The following TUNAR variants were observed in gnomAD, a reference collection of about 807,000 sequenced individuals.
TUNAR encodes the protein transmembrane neural differentiation associated intracellular calcium regulator.
At chr14:95,891,392 CCT>C (rs1204582284) in intron 2 of TUNAR, among the ~76,000 whole-genome samples, 3 of 152,150 alleles carry the variant, frequency 2.0e-5, no homozygotes, top group South Asian at 4.1e-4. Context: ...TAATTTTCGC[CCT>C]CTCTCCACAA....
Position 95,895,174 on chromosome 14 carries a change from G to A in TUNAR, c.12+17997G>A, listed in dbSNP as rs1889242702. Among the ~76,000 whole-genome samples the A allele has an allele frequency of 6.6e-6, 1 of 152,244 alleles. No homozygotes were observed. The highest frequency in any genetic ancestry group is 2.4e-5 in the African/African-American group (1 of 41,468). ...GGTGTCCCAGAGAGGGGACATCTGA[G>A]CTGCATCTTAAAGGAAGAGTAGCAG... On this transcript the variant is annotated intron_variant, in intron 2 of 2. Coordinates refer to ENST00000678517, the Ensembl canonical transcript of TUNAR. The surrounding 1 kb of genome is among the most constrained non-coding windows in gnomAD (Gnocchi z 4.5).
At chr14:95,923,186 A>G in exon 3 of TUNAR, 1 of 373,864 alleles carries the variant, frequency 2.7e-6, no homozygotes, top group Non-Finnish European at 4.7e-6. Flanking sequence ...ACTCATTCAC[A>G]GCACTAGGAA....
chr14:95,903,622 A>G (rs1052562172), intron 2 of TUNAR, among the ~76,000 whole-genome samples: 8 of 152,252 alleles, frequency 5.3e-5, no homozygotes, highest in Non-Finnish European at 8.8e-5. Flanking sequence ...AGCCTCTTTC[A>G]GCCAGTGTTC....
At chr14:95,916,825 G>A (rs1486289856) in intron 2 of TUNAR, among the ~76,000 whole-genome samples, 2 of 152,174 alleles carry the variant, frequency 1.3e-5, no homozygotes, top group South Asian at 2.1e-4. Flanking sequence ...CCAATCTGAT[G>A]GCTGTTTGAT....
chr14:95,914,640 C>T (rs1889572657), intron 2 of TUNAR, among the ~76,000 whole-genome samples: 1 of 152,000 alleles, frequency 6.6e-6, no homozygotes, highest in Admixed American at 6.5e-5. Flanking sequence ...CTTGTGAAGT[C>T]ATGAGAATGA....
At chr14:95,897,909 C>T (rs181875576) in intron 2 of TUNAR, among the ~76,000 whole-genome samples, 292 of 151,904 alleles carry the variant, frequency 1.9e-3, no homozygotes, top group Admixed American at 4.9e-3. Context: ...TTTTTCATAC[C>T]GCCTGTTCCA....
intron 2 of TUNAR, among the ~76,000 whole-genome samples, chr14:95,895,000 C>T (rs964573443): frequency 1.3e-5 from 2 of 152,156 alleles, no homozygotes; most frequent in African/African-American, 2.4e-5. Flanking sequence ...TCTCTCCTGA[C>T]GATAGGTTGG....
chr14:95,884,272 G>A (rs1595114830), intron 2 of TUNAR, among the ~76,000 whole-genome samples: 2 of 152,064 alleles, frequency 1.3e-5, no homozygotes, highest in South Asian at 2.1e-4. Context: ...GGCCCTGCAC[G>A]ATCTGGCCCT....
intron 2 of TUNAR, among the ~76,000 whole-genome samples, chr14:95,910,340 C>T (rs185950272): frequency 7.2e-5 from 11 of 152,006 alleles, no homozygotes; most frequent in African/African-American, 1.5e-4. Context: ...AGTGAGACCT[C>T]GTCTGTAAAA....
intron 2 of TUNAR, among the ~76,000 whole-genome samples, chr14:95,908,538 C>CT (rs1197659690): frequency 1.3e-5 from 2 of 152,236 alleles, no homozygotes; most frequent in African/African-American, 4.8e-5. Context: ...GTTTTGTCCT[C>CT]TAACAACATC....
chr14:95,905,294 T>C (rs1000939023), intron 2 of TUNAR, among the ~76,000 whole-genome samples: 1 of 152,166 alleles, frequency 6.6e-6, no homozygotes, highest in Admixed American at 6.6e-5. Context: ...CCCACAAATG[T>C]CCTTCCATCC....
At chr14:95,921,430 T>C (rs1199198573) in intron 2 of TUNAR, among the ~76,000 whole-genome samples, 1 of 152,214 alleles carries the variant, frequency 6.6e-6, no homozygotes, top group East Asian at 1.9e-4. Flanking sequence ...CTGATCCTAT[T>C]TTACCTGTGG....
intron 2 of TUNAR, among the ~76,000 whole-genome samples, chr14:95,883,981 C>A (rs74085732): frequency 0.021 from 3,174 of 152,158 alleles, 69 homozygotes; most frequent in East Asian, 0.08. Flanking sequence ...ACTGGTTCTC[C>A]TGGGTGTCGA....
intron 2 of TUNAR, among the ~76,000 whole-genome samples, chr14:95,902,675 G>A (rs541145260): frequency 1.3e-5 from 2 of 152,254 alleles, no homozygotes; most frequent in East Asian, 3.9e-4. Flanking sequence ...ATGGGGATGG[G>A]GTGGGGGAGC....
At chr14:95,912,319 T>A (rs997721250) in intron 2 of TUNAR, among the ~76,000 whole-genome samples, 1 of 152,256 alleles carries the variant, frequency 6.6e-6, no homozygotes, top group East Asian at 1.9e-4. Context: ...TCATTGATTT[T>A]ATTTAATATG....
chr14:95,925,243 G>A (rs541447650), exon 3 of TUNAR: 1 of 152,244 alleles, frequency 6.6e-6, no homozygotes, highest in Non-Finnish European at 1.5e-5. Flanking sequence ...GGCTTCTAGT[G>A]GAGTCAAGAT....
At chr14:95,902,517 T>C (rs576301863) in intron 2 of TUNAR, among the ~76,000 whole-genome samples, 141 of 152,356 alleles carry the variant, frequency 9.3e-4, no homozygotes, top group Middle Eastern at 3.4e-3. Flanking sequence ...ATACAGGCTG[T>C]TGATCCACAG....
chr14:95,910,853 T>G (rs1000972880), intron 2 of TUNAR, among the ~76,000 whole-genome samples: 25 of 152,240 alleles, frequency 1.6e-4, no homozygotes, highest in African/African-American at 6.0e-4. Context: ...CCAGCTCATT[T>G]CCTGAAAGCC....
chr14:95,890,152 T>C (rs1889152066), intron 2 of TUNAR, among the ~76,000 whole-genome samples: 1 of 152,196 alleles, frequency 6.6e-6, no homozygotes, highest in African/African-American at 2.4e-5. Context: ...TGGGAGATTT[T>C]TTTTTATAAG....
Sources: gnomAD v4.1 joint callset for allele counts (sites outside exome capture counted in the v4.1 genomes callset) on GRCh38, gnomAD v4.1.1 for gene constraint, Gnocchi (gnomAD v3.1) non-coding constraint, MANE v1.5 for transcripts, NCBI Gene and HGNC (gene_info 2026-07-23, HGNC 2026-07-21) for gene names.